The following ANK2 variants were observed in gnomAD, a reference collection of about 807,000 sequenced individuals.
ANK2 encodes ankyrin 2.
In ANK2, 83 loss-of-function variants were observed where a neutral mutation model predicts 360.5. The ratio of observed to expected loss-of-function variants is 0.23; its 90% CI spans 0.19 to 0.28. The LOEUF is 0.28. Among genes scored for constraint, ANK2 ranks in the 10% least tolerant of loss-of-function variants. The probability of loss-of-function intolerance (pLI) is 1.00; values close to 1 mark genes in which losing one functional copy is unlikely to be tolerated. For synonymous variants in ANK2, 1,740 were observed against 1,759.5 expected, an observed-to-expected ratio of 0.99 and a Z score of 0.28; for missense variants, 4,201 against 4,795.7, an observed-to-expected ratio of 0.88 and a Z score of 3.66.
intron 2 of ANK2, among the ~76,000 whole-genome samples, chr4:112,905,533 G>C (rs1264878400): frequency 6.6e-6 from 1 of 152,120 alleles, no homozygotes; most frequent in Non-Finnish European, 1.5e-5. Flanking sequence ...TATCCTCTTT[G>C]AATGATAATT....
At chr4:113,309,931 C>T (rs1159061407) in intron 23 of ANK2, among the ~76,000 whole-genome samples, 1 of 152,144 alleles carries the variant, frequency 6.6e-6, no homozygotes, top group Admixed American at 6.6e-5. Flanking sequence ...ATTCTATTCA[C>T]ACGAGAGAGG....
chr4:112,995,917 T>A (rs536453279), intron 2 of ANK2, among the ~76,000 whole-genome samples: 1 of 152,316 alleles, frequency 6.6e-6, no homozygotes, highest in Admixed American at 6.5e-5. Context: ...ATAAGCACTT[T>A]GGAGAACCAT....
chr4:112,829,978 AT>A (rs1560695763), intron 1 of ANK2, among the ~76,000 whole-genome samples: 2 of 151,778 alleles, frequency 1.3e-5, no homozygotes, highest in African/African-American at 4.8e-5. Flanking sequence ...AAAATAAAAA[AT>A]AAAAAAAAAG....
At chr4:113,075,406 TA>T (rs2079504384) in intron 1 of ANK2, among the ~76,000 whole-genome samples, 1 of 152,212 alleles carries the variant, frequency 6.6e-6, no homozygotes. Context: ...TCTTTATGTC[TA>T]AAAAGATAAC....
chr4:113,374,285 G>C (rs2096848545), intron 45 of ANK2, among the ~76,000 whole-genome samples: 1 of 152,050 alleles, frequency 6.6e-6, no homozygotes, highest in South Asian at 2.1e-4. Context: ...TACTTGTTTT[G>C]ACAAATAGTT....
At chr4:113,310,381 G>A (rs769443646) in intron 23 of ANK2, among the ~76,000 whole-genome samples, 18 of 152,034 alleles carry the variant, frequency 1.2e-4, no homozygotes, top group Non-Finnish European at 2.5e-4. Flanking sequence ...GGGGAGTAGG[G>A]GTGGGGTAGA....
intron 2 of ANK2, among the ~76,000 whole-genome samples, chr4:112,921,995 T>C (rs1391174270): frequency 6.6e-6 from 1 of 152,216 alleles, no homozygotes; most frequent in African/African-American, 2.4e-5. Context: ...TCTTTGGACC[T>C]ATTTCCTGAG....
chr4:113,193,840 A>T (rs538696655), intron 2 of ANK2, among the ~76,000 whole-genome samples: 5 of 152,178 alleles, frequency 3.3e-5, no homozygotes, highest in Non-Finnish European at 7.3e-5. Context: ...AAGAACTCAT[A>T]TATTTTAATT....
intron 2 of ANK2, among the ~76,000 whole-genome samples, chr4:113,010,149 T>C (rs558110421): frequency 3.9e-5 from 6 of 152,268 alleles, no homozygotes; most frequent in Admixed American, 2.6e-4. Context: ...TGATTCTTAT[T>C]TGAAGAAATT....
intron 1 of ANK2, among the ~76,000 whole-genome samples, chr4:113,057,727 G>A (rs867752078): frequency 1.3e-5 from 2 of 152,066 alleles, no homozygotes; most frequent in Middle Eastern, 6.8e-3. Flanking sequence ...CAAGACATTC[G>A]AATCTAGTAG....
intron 1 of ANK2, among the ~76,000 whole-genome samples, chr4:113,100,716 A>G (rs1044188508): frequency 6.6e-6 from 1 of 152,154 alleles, no homozygotes; most frequent in African/African-American, 2.4e-5. Context: ...GTGAAAAACC[A>G]GAGGCAACCA....
At chr4:113,328,247 G>A (rs1013500133) in intron 26 of ANK2, among the ~76,000 whole-genome samples, 4 of 151,710 alleles carry the variant, frequency 2.6e-5, no homozygotes, top group African/African-American at 9.7e-5. Flanking sequence ...AATGGAGGCA[G>A]CAACCAAAAG....
chr4:112,787,479 T>G, the ANK2 span, among the ~76,000 whole-genome samples: 1 of 152,182 alleles, frequency 6.6e-6, no homozygotes, highest in Non-Finnish European at 1.5e-5. Flanking sequence ...TGTTTTCTGG[T>G]GTCTTCTTAG....
intron 22 of ANK2, among the ~76,000 whole-genome samples, chr4:113,296,230 AATAG>A (rs2071366275): frequency 6.6e-6 from 1 of 152,166 alleles, no homozygotes; most frequent in Non-Finnish European, 1.5e-5. Flanking sequence ...AAACCACTTA[AATAG>A]TGCTCTTTAT....
chr4:112,736,337 C>T, the ANK2 span, among the ~76,000 whole-genome samples: 10 of 151,966 alleles, frequency 6.6e-5, no homozygotes, highest in Admixed American at 6.6e-4. Context: ...GCAGCCTGCG[C>T]CTATATAGTC....
chr4:113,036,105 A>G (rs2061531651), intron 2 of ANK2, among the ~76,000 whole-genome samples: 1 of 151,932 alleles, frequency 6.6e-6, no homozygotes, highest in Non-Finnish European at 1.5e-5. Context: ...TAGTGGAAAA[A>G]GAAAAGGGAA....
chr4:112,880,825 T>G (rs1347599304), intron 1 of ANK2: 3 of 152,166 alleles, frequency 2.0e-5, no homozygotes, highest in Non-Finnish European at 4.4e-5. Flanking sequence ...TTAGGAAAGG[T>G]CTCGTCTGGT....
At chr4:113,186,771 T>C (rs1176417664) in intron 2 of ANK2, among the ~76,000 whole-genome samples, 1 of 152,104 alleles carries the variant, frequency 6.6e-6, no homozygotes, top group African/African-American at 2.4e-5. Context: ...ATTCTCTTCT[T>C]AGAAAAAAAG....
In ANK2 at chr4:113,353,120, C is replaced by T. The variant is rs201071074; in HGVS notation, c.4502C>T (p.Pro1501Leu). 132 of 1,613,980 alleles carry T rather than the reference C, an allele frequency of 8.2e-5. No homozygotes were observed. The highest frequency in any genetic ancestry group is 1.0e-4 in the Non-Finnish European group (122 of 1,179,932). The change falls in exon 38 of 46, where the codon CCG becomes CTG. Residue 1501 changes from proline (P) to leucine (L), a missense_variant. Physicochemically the swap from Pro to Leu is moderately conservative, Grantham distance 98. Coordinates refer to ENST00000357077, the MANE Select transcript of ANK2 (RefSeq NM_001148.6). ...AATGAAGTTCCTGTCCTAGCAAGTC[C>T]GGACTTGCTCTCTGAAGTTTCTGAG... ...LVNEVPVLAS[P>L]DLLSEVSEMK...
Sources: allele counts gnomAD v4.1 joint callset (sites outside exome capture counted in the v4.1 genomes callset), GRCh38; gene constraint gnomAD v4.1.1; transcripts MANE v1.5; gene names NCBI Gene and HGNC (gene_info 2026-07-23, HGNC 2026-07-21).